MED12L: variants seen among roughly 807,000 people sequenced by gnomAD.
The protein encoded by MED12L is mediator complex subunit 12L.
A neutral mutation model predicts 281.3 loss-of-function variants in MED12L; 60 were observed. The observed-to-expected ratio is 0.21, with a 90% CI of 0.17 to 0.26. The LOEUF (loss-of-function observed/expected upper bound fraction) is 0.26, where lower values mean the gene tolerates loss of function less well. MED12L is among the 10% of genes least tolerant of loss of function. MED12L has a pLI of 1.00. For synonymous variants in MED12L, 974 were observed against 987.2 expected, an observed-to-expected ratio of 0.99 and a Z score of 0.25; for missense variants, 2,146 against 2,680.9, an observed-to-expected ratio of 0.80 and a Z score of 4.41.
intron 16 of MED12L, among the ~76,000 whole-genome samples, chr3:151,264,079 T>G (rs1739402006): frequency 6.6e-6 from 1 of 152,228 alleles, no homozygotes; most frequent in East Asian, 1.9e-4. Flanking sequence ...TAGTTCTACT[T>G]CATTTCACTG....
In MED12L at chr3:151,341,402, A is replaced by AT. The variant is rs574808205; in HGVS notation, c.2251-8648dup. On this transcript the variant is annotated intron_variant, in intron 16 of 44. Coordinates refer to ENST00000687756, the MANE Select transcript of MED12L (RefSeq NM_001393769.1). ...CTTGAATAGAATTTAAATATAAACA[A>AT]TTTTTTTTTGTTTCTTTACCTAACT... is the stretch of plus-strand genomic sequence containing the variant. Among the ~76,000 whole-genome samples the AT allele has an allele frequency of 5.1e-3, 773 of 151,206 alleles. 12 individuals carry two copies. Among genetic ancestry groups the AT allele is most frequent in the African/African-American group, 0.017 (709 of 41,200 alleles).
chr3:151,360,720 A>G, intron 21 of MED12L, 115 bp downstream of exon 21: 1 of 972,054 alleles, frequency 1.0e-6, no homozygotes, highest in South Asian at 1.7e-5. Context: ...TGTATCTATT[A>G]GGCAGTAATT....
intron 4 of MED12L, among the ~76,000 whole-genome samples, chr3:151,125,995 C>T (rs1200659344): frequency 6.6e-6 from 1 of 151,622 alleles, no homozygotes; most frequent in African/African-American, 2.4e-5. Flanking sequence ...CTGTACATGA[C>T]CTAAAGTCTC....
At chr3:151,139,421 C>G (rs189788716) in intron 5 of MED12L, among the ~76,000 whole-genome samples, 1 of 152,144 alleles carries the variant, frequency 6.6e-6, no homozygotes, top group Admixed American at 6.5e-5. Context: ...TAAGGAGATG[C>G]ATGTGTGTGG....
chr3:151,307,095 T>C (rs1049779439), intron 16 of MED12L, among the ~76,000 whole-genome samples: 1 of 152,230 alleles, frequency 6.6e-6, no homozygotes, highest in East Asian at 1.9e-4. Context: ...AAAAGCCATC[T>C]GATAGAAAGT....
At chr3:151,278,019 T>G (rs1384070148) in intron 16 of MED12L, among the ~76,000 whole-genome samples, 1 of 152,210 alleles carries the variant, frequency 6.6e-6, no homozygotes, top group Non-Finnish European at 1.5e-5. Context: ...TTGATATCTC[T>G]TCATCACAGA....
intron 5 of MED12L, among the ~76,000 whole-genome samples, chr3:151,154,814 A>G (rs1719049437): frequency 2.0e-5 from 3 of 152,218 alleles, no homozygotes; most frequent in South Asian, 2.1e-4. Context: ...ACATGATGAC[A>G]TAGATAGTTT....
chr3:151,253,303 G>A (rs554459805), intron 16 of MED12L, among the ~76,000 whole-genome samples: 31 of 152,246 alleles, frequency 2.0e-4, no homozygotes, highest in African/African-American at 7.2e-4. Context: ...GCACTGTGCC[G>A]GAAACCATTG....
At chr3:151,330,325 A>G (rs930901413) in intron 16 of MED12L, among the ~76,000 whole-genome samples, 1 of 152,174 alleles carries the variant, frequency 6.6e-6, no homozygotes, top group Non-Finnish European at 1.5e-5. Context: ...CACTTAGTAG[A>G]GGGCCATTTT....
intron 5 of MED12L, among the ~76,000 whole-genome samples, chr3:151,145,786 C>T (rs78857545): frequency 0.042 from 6,326 of 152,312 alleles, 176 homozygotes; most frequent in Middle Eastern, 0.085. Flanking sequence ...TCCACATCTC[C>T]GTTGATGGCA....
At chr3:151,188,144 C>T (rs1001089518) in intron 12 of MED12L, 9 of 344,320 alleles carry the variant, frequency 2.6e-5, no homozygotes, top group Non-Finnish European at 3.7e-5. Flanking sequence ...CGTCTGATCT[C>T]GGAAGCTAAG....
intron 35 of MED12L, chr3:151,384,636 CAA>C (rs1404839943): frequency 5.2e-6 from 1 of 190,518 alleles, no homozygotes; most frequent in Non-Finnish European, 1.1e-5. Flanking sequence ...GAAAACAGTG[CAA>C]AAAAGAAACC....
At chr3:151,247,962 C>CTTCTTCT (rs1314747790) in intron 16 of MED12L, among the ~76,000 whole-genome samples, 1 of 75,902 alleles carries the variant, frequency 1.3e-5, no homozygotes, top group Non-Finnish European at 2.5e-5. Flanking sequence ...TCTTCTTCTT[C>CTTCTTCT]TTTTTTTTTT....
intron 39 of MED12L, among the ~76,000 whole-genome samples, chr3:151,398,343 A>G (rs1261511077): frequency 6.6e-6 from 1 of 152,196 alleles, no homozygotes; most frequent in Non-Finnish European, 1.5e-5. Flanking sequence ...CTTTCTGTCT[A>G]GTGGGGGAAG....
chr3:151,159,010 T>A (rs1719652013), intron 7 of MED12L, among the ~76,000 whole-genome samples: 2 of 152,272 alleles, frequency 1.3e-5, no homozygotes, highest in Admixed American at 6.5e-5. Flanking sequence ...TTTTTATCCA[T>A]GTGTCCTAAT....
At chr3:151,268,176 A>G (rs561857006) in intron 16 of MED12L, among the ~76,000 whole-genome samples, 18 of 152,242 alleles carry the variant, frequency 1.2e-4, no homozygotes, top group African/African-American at 4.3e-4. Context: ...AAAGCTACCT[A>G]AATCCTATAA....
rs374594862 is a variant in MED12L at position 151,369,485 on chromosome 3, C to T, written c.3600C>T (p.Ala1200=). Residue 1200 remains alanine, a synonymous_variant, in exon 26 of 45, where the codon GCC becomes GCT. Coordinates refer to ENST00000687756, the MANE Select transcript of MED12L (RefSeq NM_001393769.1). ...CATCTTGTGATAGACACCTCTTAGCCGCTGCTCACAACAGCATTGAAGTGG... is the reference window on the plus strand; with the variant it reads ...CATCTTGTGATAGACACCTCTTAGCTGCTGCTCACAACAGCATTGAAGTGG... The part of the protein sequence containing the change: ...IRSSCDRHLL[A]AAHNSIEVGA... 22 of 1,611,860 alleles carry T rather than the reference C, an allele frequency of 1.4e-5. No individual in the cohort carries two copies. The highest frequency in any genetic ancestry group is 5.3e-5 in the African/African-American group (4 of 74,960).
At chr3:151,097,365 A>G (rs1720845325) in intron 2 of MED12L, among the ~76,000 whole-genome samples, 1 of 152,220 alleles carries the variant, frequency 6.6e-6, no homozygotes, top group Non-Finnish European at 1.5e-5. Context: ...TTACTATAAC[A>G]TATGCATGCC....
chr3:151,365,296 A>G, intron 22 of MED12L, 90 bp downstream of exon 22: 2 of 1,065,342 alleles, frequency 1.9e-6, no homozygotes, highest in Non-Finnish European at 2.9e-6. Context: ...AAGTGTCTGG[A>G]CTCACATTTG....
Sources: gnomAD v4.1 joint callset for allele counts (sites outside exome capture counted in the v4.1 genomes callset) on GRCh38, gnomAD v4.1.1 for gene constraint, MANE v1.5 for transcripts, NCBI Gene and HGNC (gene_info 2026-07-23, HGNC 2026-07-21) for gene names.